The following DST variants were observed in gnomAD, a reference collection of about 807,000 sequenced individuals.
DST encodes the protein dystonin.
A neutral mutation model predicts 875.2 loss-of-function variants in DST; 253 were observed. The observed-to-expected ratio is 0.29, with a 90% CI of 0.26 to 0.32. The LOEUF (loss-of-function observed/expected upper bound fraction) is 0.32, where lower values mean the gene tolerates loss of function less well. DST is among the 10% of genes least tolerant of loss of function. DST has a pLI of 1.00. For synonymous variants in DST, 3,124 were observed against 3,197.1 expected (o/e 0.98, Z 0.77); for missense variants, 8,287 against 9,111.6 (o/e 0.91, Z 3.68).
chr6:56,824,868 G>T (rs1237549343), intron 4 of DST, among the ~76,000 whole-genome samples: 2 of 151,832 alleles, frequency 1.3e-5, no homozygotes, highest in Non-Finnish European at 2.9e-5. Flanking sequence ...CCGTCCGGGA[G>T]GGAGGTGGGG....
At chr6:56,741,376 A>G (rs529918546) in intron 4 of DST, among the ~76,000 whole-genome samples, 6 of 152,328 alleles carry the variant, frequency 3.9e-5, no homozygotes, top group Non-Finnish European at 5.9e-5. Flanking sequence ...ATAAATTCTG[A>G]TACTGTTTTC....
At chr6:56,567,364 T>A (rs569074656) in intron 55 of DST, among the ~76,000 whole-genome samples, 4 of 149,082 alleles carry the variant, frequency 2.7e-5, no homozygotes, top group Non-Finnish European at 5.9e-5. Context: ...GGATTTCAGA[T>A]GGAAGTGAAA....
chr6:56,794,199 G>T (rs1000551342), intron 4 of DST, among the ~76,000 whole-genome samples: 1 of 152,144 alleles, frequency 6.6e-6, no homozygotes, highest in African/African-American at 2.4e-5. Flanking sequence ...CAAGTATTTC[G>T]ACTGAACCTC....
At position 56,600,128 on chromosome 6, in the gene DST, C is replaced by T; in HGVS notation, c.11635G>A (p.Glu3879Lys). The change falls in exon 45 of 104, where the codon GAA (glutamate) becomes AAA (lysine). Residue 3879 changes from glutamate (E) to lysine (K), a missense_variant. Around this residue, in one of 10 missense-constraint regions of DST, gnomAD observed 3,138 missense variants for 3,116.6 expected, o/e 1.01. Transcript: ENST00000680361. ...GTGCCATCTCCAATCATGAAGGCTT[C>T]TTGGTGACCAATTAGGCGGTTTTCA... is the stretch of plus-strand genomic sequence containing the variant. Reference protein sequence around the residue: ...QTENRLIGHQEAFMIGDGTVE... With the variant: ...QTENRLIGHQKAFMIGDGTVE... 3 of 1,613,132 alleles carry T rather than the reference C, an allele frequency of 1.9e-6. No homozygotes were observed. Among genetic ancestry groups the T allele is most frequent in the African/African-American group, 1.3e-5 (1 of 74,996 alleles).
At chr6:56,693,876 A>T (rs1315916665) in intron 9 of DST, among the ~76,000 whole-genome samples, 1 of 151,712 alleles carries the variant, frequency 6.6e-6, no homozygotes, top group Non-Finnish European at 1.5e-5. Context: ...AATTGTTTCT[A>T]AAAAAAATCA....
At chr6:56,871,110 A>G in intron 3 of DST, 1 of 574,676 alleles carries the variant, frequency 1.7e-6, no homozygotes, top group Non-Finnish European at 3.1e-6. Context: ...TGGCTAATAA[A>G]CATACAAAAA....
At chr6:56,744,636 A>G (rs1397697295) in intron 4 of DST, among the ~76,000 whole-genome samples, 1 of 152,168 alleles carries the variant, frequency 6.6e-6, no homozygotes, top group Non-Finnish European at 1.5e-5. Flanking sequence ...AGCTGGGTGA[A>G]AACAAATCAA....
chr6:56,820,271 G>T (rs372745727), intron 4 of DST, among the ~76,000 whole-genome samples: 6 of 152,328 alleles, frequency 3.9e-5, no homozygotes, highest in African/African-American at 1.4e-4. Context: ...CTTATACTAT[G>T]CTTGGAAGGC....
chr6:56,790,135 T>TGGGGACATGAAA (rs1217733041), intron 4 of DST, among the ~76,000 whole-genome samples: 1 of 152,166 alleles, frequency 6.6e-6, no homozygotes, highest in East Asian at 1.9e-4. Flanking sequence ...TTTCCTTTGC[T>TGGGGACATGAAA]GACACTGGGG....
In DST at chr6:56,482,592, C is replaced by T. The variant is rs529345951; in HGVS notation, c.21402+91G>A. On this transcript the variant is annotated intron_variant, in intron 89 of 103. Transcript: ENST00000680361. ...TCTTCAGACTGTCCTGATTGAGACA[C>T]GAGGGCCTCACAATTTTTTACTAGA... 2.2e-5 allele frequency: 29 copies of T among 1,319,832 alleles called. No individual in the cohort carries two copies. In the East Asian group the frequency reaches 4.9e-4, roughly 22 times the overall value. 81.8% of individuals were successfully genotyped at this position (1,319,832 alleles called of 1,614,324 possible).
intron 37 of DST, among the ~76,000 whole-genome samples, chr6:56,613,845 A>C (rs1284556634): frequency 6.6e-6 from 1 of 152,240 alleles, no homozygotes; most frequent in Non-Finnish European, 1.5e-5. Context: ...ATTTCCAGTG[A>C]TTGACTGTAG....
At chr6:56,789,592 A>T (rs2099711420) in intron 4 of DST, among the ~76,000 whole-genome samples, 1 of 152,144 alleles carries the variant, frequency 6.6e-6, no homozygotes, top group South Asian at 2.1e-4. Context: ...TATACTCGTT[A>T]AACAACTCTC....
intron 82 of DST, among the ~76,000 whole-genome samples, chr6:56,495,191 T>C (rs1403045685): frequency 6.6e-6 from 1 of 151,976 alleles, no homozygotes; most frequent in African/African-American, 2.4e-5. Context: ...CAGATATAGC[T>C]AAAAACTCAG....
At chr6:56,953,906 G>T in intron 1 of DST, 87 bp from the exon 2 acceptor site, 1 of 1,018,200 alleles carries the variant, frequency 9.8e-7, no homozygotes, top group Non-Finnish European at 1.4e-6. Context: ...GGAGACCAGG[G>T]TTGGGAAAGC....
rs536974447 is a variant in DST, at chr6:56,840,446, G to A, written c.625+10951C>T. ...ACTCAAAAATAAATGCCTTTATTCA[G>A]CCGAAGTTTGGTATCAGCTGAAGAA... On this transcript the variant is annotated intron_variant, in intron 4 of 103. Coordinates refer to ENST00000680361, the MANE Select transcript of DST (RefSeq NM_001374736.1). Among the ~76,000 whole-genome samples the A allele has an allele frequency of 3.9e-5, 6 of 152,100 alleles. No individual in the cohort carries two copies. The South Asian group carries it at 1.2e-3, about 32-fold the overall frequency.
chr6:56,618,549 G>C lies in DST; in HGVS notation c.4930-4065C>G, dbSNP rs79943354. 2,955 of 1,614,068 alleles carry C rather than the reference G, an allele frequency of 1.8e-3. 48 individuals are homozygous for C. The African/African-American group carries it at 0.034, about 19-fold the overall frequency. On this transcript the variant is annotated intron_variant, in intron 36 of 103. Transcript: ENST00000680361. ...GCTATCAGCTCATCCTCAAGTTTCT[G>C]ACATTTTTGGTAATGATTTGCTTCC... is the stretch of plus-strand genomic sequence containing the variant.
intron 10 of DST, among the ~76,000 whole-genome samples, chr6:56,659,958 G>A (rs1369348979): frequency 6.6e-6 from 1 of 152,144 alleles, no homozygotes; most frequent in Admixed American, 6.5e-5. Context: ...GGTGAGGATG[G>A]ATGCAGAAGA....
chr6:56,517,170 C>T (rs1369610805), intron 71 of DST, 28 bp downstream of exon 71: 1 of 1,518,056 alleles, frequency 6.6e-7, no homozygotes, highest in Non-Finnish European at 9.1e-7. Context: ...TCAAGAGTCC[C>T]ACTACCAGTC....
At chr6:56,893,585 T>TTTTTTTTTTTTTA (rs1788944842) in intron 3 of DST, among the ~76,000 whole-genome samples, 1 of 106,028 alleles carries the variant, frequency 9.4e-6, no homozygotes. Flanking sequence ...TTTTTTTTTT[T>TTTTTTTTTTTTTA]TTATTTTTTT....
Sources: allele counts gnomAD v4.1 joint callset (sites outside exome capture counted in the v4.1 genomes callset), GRCh38; gene constraint gnomAD v4.1.1; regional missense constraint gnomAD v4.1.1; transcripts MANE v1.5; gene names NCBI Gene and HGNC (gene_info 2026-07-23, HGNC 2026-07-21).